The following CNBD1 variants were observed in gnomAD, a reference collection of about 807,000 sequenced individuals.
CNBD1 encodes the protein cyclic nucleotide-binding domain-containing protein 1.
A neutral mutation model predicts 54.4 loss-of-function variants in CNBD1; 71 were observed. The observed-to-expected ratio is 1.30, with a 90% CI of 1.08 to 1.59. The LOEUF is 1.59. Among genes scored for constraint, CNBD1 ranks in the 40% most tolerant of loss-of-function variants. CNBD1 has a pLI of 0.00. For synonymous variants in CNBD1, 182 were observed against 170.7 expected (o/e 1.07, Z -0.51); for missense variants, 659 against 518.0 (o/e 1.27, Z -2.64).
chr8:87,314,957 C>A (rs1009450348), intron 8 of CNBD1, among the ~76,000 whole-genome samples: 4 of 151,982 alleles, frequency 2.6e-5, no homozygotes, highest in African/African-American at 9.7e-5. Context: ...AATTCATTAG[C>A]CCAACGTAAA....
chr8:87,211,844 A>C (rs1411043987), intron 5 of CNBD1, among the ~76,000 whole-genome samples: 4 of 152,210 alleles, frequency 2.6e-5, no homozygotes, highest in African/African-American at 9.6e-5. Flanking sequence ...AACACATGCT[A>C]TATTATAGAA....
intron 8 of CNBD1, among the ~76,000 whole-genome samples, chr8:87,332,209 G>A (rs552604658): frequency 1.5e-4 from 23 of 152,116 alleles, no homozygotes; most frequent in Non-Finnish European, 2.4e-4. Context: ...TTAGCTGGGC[G>A]TGGTTGTGGG....
downstream of CNBD1, among the ~76,000 whole-genome samples, chr8:87,383,181 C>T (rs1811116859): frequency 6.6e-6 from 1 of 151,860 alleles, no homozygotes; most frequent in South Asian, 2.1e-4. Flanking sequence ...AAAGTCATTT[C>T]CTTGATGTGA....
rs552271045 is a variant in CNBD1 at position 87,057,866 on chromosome 8, GACAC to G, written c.431+118126_431+118129del. On this transcript the variant is annotated intron_variant, in intron 4 of 10. Coordinates refer to ENST00000518476, the MANE Select transcript of CNBD1 (RefSeq NM_173538.3). ...TCCATCTAAAAAACAGATAAACAAA[GACAC>G]ACACACACACACAATCGTGCCTTCC... Among the ~76,000 whole-genome samples, 6 of 150,680 alleles carry G rather than the reference GACAC, an allele frequency of 4.0e-5. No individual in the cohort carries two copies. In the South Asian group the frequency reaches 6.3e-4, roughly 16 times the overall value.
chr8:87,317,054 T>A (rs952952336), intron 8 of CNBD1, among the ~76,000 whole-genome samples: 12 of 151,810 alleles, frequency 7.9e-5, no homozygotes, highest in African/African-American at 2.9e-4. Flanking sequence ...GGGATAATAA[T>A]GATACTTATC....
At chr8:87,062,928 C>T (rs957043832) in intron 4 of CNBD1, among the ~76,000 whole-genome samples, 20 of 151,838 alleles carry the variant, frequency 1.3e-4, no homozygotes, top group African/African-American at 3.4e-4. Context: ...TAGTACAAGC[C>T]GTCTACTGGT....
chr8:87,051,624 G>A (rs994613588), intron 4 of CNBD1, among the ~76,000 whole-genome samples: 1 of 152,178 alleles, frequency 6.6e-6, no homozygotes, highest in Non-Finnish European at 1.5e-5. Flanking sequence ...CTGAAATAAA[G>A]GGATGAGTTT....
intron 10 of CNBD1, among the ~76,000 whole-genome samples, chr8:87,364,386 C>G (rs1024097805): frequency 1.3e-5 from 2 of 151,794 alleles, no homozygotes; most frequent in African/African-American, 4.8e-5. Flanking sequence ...AATGTTTTTG[C>G]TCGAGTTTGG....
intron 4 of CNBD1, among the ~76,000 whole-genome samples, chr8:86,962,500 C>T (rs561852649): frequency 1.9e-4 from 29 of 152,110 alleles, no homozygotes; most frequent in Middle Eastern, 6.8e-3. Flanking sequence ...AAAGAGAAGT[C>T]AGAGGCCGGG....
At chr8:87,396,194 A>G (rs561617317) in intron 2 of CNBD1, among the ~76,000 whole-genome samples, 2 of 152,034 alleles carry the variant, frequency 1.3e-5, no homozygotes, top group South Asian at 2.1e-4. Flanking sequence ...CCTCAATCTC[A>G]TTCCTTCCTT....
intron 4 of CNBD1, among the ~76,000 whole-genome samples, chr8:87,030,994 T>A (rs2130593922): frequency 7.0e-6 from 1 of 142,058 alleles, no homozygotes; most frequent in Admixed American, 7.2e-5. Context: ...TTCTCCTTTT[T>A]TTGTAATCTG....
chr8:86,917,969 A>G (rs1163555541), intron 3 of CNBD1, among the ~76,000 whole-genome samples: 1 of 152,218 alleles, frequency 6.6e-6, no homozygotes, highest in African/African-American at 2.4e-5. Context: ...AGCTCATGAG[A>G]AAGTTTTAGT....
At position 86,940,132 on chromosome 8, in the gene CNBD1, CTTTTT is replaced by C. The variant is rs10671983; in HGVS notation, c.431+393_431+397del. Among the ~76,000 whole-genome samples, 377 of 88,730 alleles carry C rather than the reference CTTTTT, an allele frequency of 4.2e-3. 13 individuals are homozygous for C. Among genetic ancestry groups the C allele is most frequent in the African/African-American group, 0.015 (331 of 21,930 alleles). The allele number at this position is 88,730 out of a possible 152,430, so 58.2% of individuals were successfully genotyped here. A position where few individuals can be genotyped will look rare whatever the true frequency, so the allele number is the denominator to read the frequency against. The stretch of plus-strand genomic sequence containing the variant: ...CTTTAAATAAACTTACCACATGTTA[CTTTTT>C]TTTTTTTTTTTTTTGAGACTGTTGC... On this transcript the variant is annotated intron_variant, in intron 4 of 10. Transcript: ENST00000518476.
At chr8:87,045,760 G>A (rs950478939) in intron 4 of CNBD1, among the ~76,000 whole-genome samples, 30 of 146,256 alleles carry the variant, frequency 2.1e-4, no homozygotes, top group African/African-American at 6.4e-4. Flanking sequence ...CACATGTGCC[G>A]GCCAGGCATG....
At chr8:87,038,230 T>C (rs1809990514) in intron 4 of CNBD1, among the ~76,000 whole-genome samples, 1 of 152,096 alleles carries the variant, frequency 6.6e-6, no homozygotes, top group Non-Finnish European at 1.5e-5. Context: ...TAGGCTCAAG[T>C]TAATCAATAT....
chr8:87,422,840 A>G (rs139610880), intron 2 of CNBD1, among the ~76,000 whole-genome samples: 3 of 152,108 alleles, frequency 2.0e-5, no homozygotes, highest in African/African-American at 4.8e-5. Flanking sequence ...TGGGGATGGC[A>G]TTGAATCTGT....
At chr8:87,283,121 A>G (rs1808627947) in intron 6 of CNBD1, among the ~76,000 whole-genome samples, 1 of 152,002 alleles carries the variant, frequency 6.6e-6, no homozygotes, top group African/African-American at 2.4e-5. Flanking sequence ...CATTTCTTCT[A>G]CATTTTATTC....
intron 2 of CNBD1, among the ~76,000 whole-genome samples, chr8:87,425,939 G>T (rs1808040000): frequency 6.6e-6 from 1 of 152,178 alleles, no homozygotes; most frequent in Admixed American, 6.5e-5. Context: ...CTTGCAGTTT[G>T]ATCTCAGACT....
intron 2 of CNBD1, among the ~76,000 whole-genome samples, chr8:86,896,059 T>C (rs1808843287): frequency 6.6e-6 from 1 of 152,112 alleles, no homozygotes; most frequent in African/African-American, 2.4e-5. Flanking sequence ...TAGAGGCTAC[T>C]ATTGAGTTTA....
Sources: allele counts gnomAD v4.1 joint callset (sites outside exome capture counted in the v4.1 genomes callset), GRCh38; gene constraint gnomAD v4.1.1; transcripts MANE v1.5; gene names NCBI Gene and HGNC (gene_info 2026-07-23, HGNC 2026-07-21).